The following DIAPH3 variants were observed in gnomAD, a reference collection of about 807,000 sequenced individuals.
DIAPH3 encodes diaphanous related formin 3, also known as protein diaphanous homolog 3.
Under a neutral mutation model 144.3 loss-of-function variants are expected in DIAPH3, and 117 were observed. The ratio of observed to expected loss-of-function variants is 0.81; its 90% CI spans 0.70 to 0.95. The LOEUF (loss-of-function observed/expected upper bound fraction) is 0.95. DIAPH3 is among the 40% of genes least tolerant of loss of function. The pLI is 0.00. For synonymous variants in DIAPH3, 519 were observed against 488.9 expected (o/e 1.06, Z -0.81); for missense variants, 1,421 against 1,412.7 (o/e 1.01, Z -0.09).
At chr13:59,988,337 A>C (rs2051568122) in intron 12 of DIAPH3, among the ~76,000 whole-genome samples, 1 of 152,030 alleles carries the variant, frequency 6.6e-6, no homozygotes, top group South Asian at 2.1e-4. Flanking sequence ...TTACATTTAA[A>C]AATCTAGATG....
intron 27 of DIAPH3, among the ~76,000 whole-genome samples, chr13:59,714,202 T>C (rs1267918403): frequency 1.3e-5 from 2 of 150,918 alleles, no homozygotes; most frequent in East Asian, 3.9e-4. Context: ...CTACTAAAAA[T>C]ACAAAAAATT....
chr13:60,061,488 G>A (rs1305692146), intron 4 of DIAPH3, among the ~76,000 whole-genome samples: 3 of 151,670 alleles, frequency 2.0e-5, no homozygotes, highest in African/African-American at 4.8e-5. Context: ...AAAGAGGCAC[G>A]TTCAGGTGGA....
At chr13:59,815,666 A>G (rs553070814) in intron 24 of DIAPH3, among the ~76,000 whole-genome samples, 22 of 152,008 alleles carry the variant, frequency 1.4e-4, no homozygotes, top group Non-Finnish European at 2.8e-4. Context: ...ATATTGTCTA[A>G]GCTGGTCTTG....
At chr13:60,042,242 G>A (rs2055727324) in intron 5 of DIAPH3, among the ~76,000 whole-genome samples, 1 of 152,010 alleles carries the variant, frequency 6.6e-6, no homozygotes, top group South Asian at 2.1e-4. Context: ...TGGTCATTCT[G>A]TACTTTTATT....
At chr13:60,013,803 T>C (rs1002435799) in intron 7 of DIAPH3, among the ~76,000 whole-genome samples, 1 of 152,066 alleles carries the variant, frequency 6.6e-6, no homozygotes, top group Admixed American at 6.6e-5. Flanking sequence ...CAAATAAAGA[T>C]TAAGACAACC....
chr13:59,790,036 A>G (rs979167665), intron 25 of DIAPH3, among the ~76,000 whole-genome samples: 1 of 152,226 alleles, frequency 6.6e-6, no homozygotes, highest in African/African-American at 2.4e-5. Flanking sequence ...TCTATTGTTT[A>G]ATTCAATTCT....
intron 3 of DIAPH3, among the ~76,000 whole-genome samples, chr13:60,096,887 C>A (rs1034144344): frequency 6.6e-6 from 1 of 152,150 alleles, no homozygotes; most frequent in Non-Finnish European, 1.5e-5. Context: ...AACTGAGCCA[C>A]GCTGCTGACT....
intron 14 of DIAPH3, among the ~76,000 whole-genome samples, chr13:59,976,102 T>A (rs942979317): frequency 6.6e-6 from 1 of 151,946 alleles, no homozygotes; most frequent in African/African-American, 2.4e-5. Flanking sequence ...TATAACCCCT[T>A]ACCATAATCC....
At position 59,872,338 on chromosome 13, in the gene DIAPH3, A is replaced by T. The variant is rs186073659; in HGVS notation, c.2607+6891T>A. Among the ~76,000 whole-genome samples the T allele has an allele frequency of 1.0e-3, 156 of 152,198 alleles. 1 individual carries two copies. Among genetic ancestry groups the T allele is most frequent in the Non-Finnish European group, 1.6e-3 (110 of 68,000 alleles). On this transcript the variant is annotated intron_variant, in intron 21 of 27. Coordinates refer to ENST00000400324, the MANE Select transcript of DIAPH3 (RefSeq NM_001042517.2). The stretch of plus-strand genomic sequence containing the variant: ...TTAAATGAGATGGTTTTGTTTTTTT[A>T]AAAAAATACAGAAACTTCTGAACTT...
chr13:60,012,818 A>C (rs2053366670), intron 7 of DIAPH3: 1 of 177,398 alleles, frequency 5.6e-6, no homozygotes. Flanking sequence ...CTGATTTCAC[A>C]GTTTTAACCA....
intron 2 of DIAPH3, among the ~76,000 whole-genome samples, chr13:60,114,674 A>AC (rs2058658291): frequency 7.3e-5 from 9 of 122,852 alleles, no homozygotes; most frequent in Non-Finnish European, 3.6e-5. Context: ...CACACACACA[A>AC]ACACACACAC....
chr13:59,928,497 T>C (rs2047861942), intron 17 of DIAPH3, among the ~76,000 whole-genome samples: 1 of 152,202 alleles, frequency 6.6e-6, no homozygotes, highest in Non-Finnish European at 1.5e-5. Context: ...GTGCACCTCC[T>C]CTAATAATCA....
chr13:60,106,654 T>C (rs990681009), intron 3 of DIAPH3, among the ~76,000 whole-genome samples: 3 of 152,066 alleles, frequency 2.0e-5, no homozygotes, highest in Admixed American at 6.6e-5. Context: ...TCTGGCTATA[T>C]GGGAAATTCT....
At chr13:60,039,386 CT>C (rs1380550216) in intron 5 of DIAPH3, among the ~76,000 whole-genome samples, 5 of 151,980 alleles carry the variant, frequency 3.3e-5, no homozygotes, top group African/African-American at 9.7e-5. Context: ...TCACTGCAAC[CT>C]CTGCCTCCCA....
At chr13:60,135,885 G>A (rs2059259325) in intron 1 of DIAPH3, among the ~76,000 whole-genome samples, 1 of 152,096 alleles carries the variant, frequency 6.6e-6, no homozygotes, top group African/African-American at 2.4e-5. Flanking sequence ...CTTTAAACGT[G>A]AATTAAAGAA....
chr13:59,745,011 A>T (rs1273434819), intron 27 of DIAPH3, among the ~76,000 whole-genome samples: 1 of 152,154 alleles, frequency 6.6e-6, no homozygotes, highest in Non-Finnish European at 1.5e-5. Flanking sequence ...TTTATGGATA[A>T]CCTTAAGACT....
At position 59,666,359 on chromosome 13, in the gene DIAPH3, A is replaced by C; in HGVS notation, c.*225T>G. On this transcript the variant is annotated 3_prime_UTR_variant, in exon 28 of 28. Transcript: ENST00000400324. ...AAGAACTGAGGAATACCAGGAGACA[A>C]AAAAAAAAAAAAAAGGATTAAAGCC... 2.0e-5 allele frequency: 4 copies of C among 201,468 alleles called. No homozygotes were observed. The South Asian group carries it at 3.8e-4, about 19-fold the overall frequency. 12.5% of individuals were successfully genotyped at this position (201,468 alleles called of 1,614,324 possible). A position where few individuals can be genotyped will look rare whatever the true frequency, so the allele number is the denominator to read the frequency against.
intron 25 of DIAPH3, among the ~76,000 whole-genome samples, chr13:59,790,506 C>T (rs923221663): frequency 2.0e-5 from 3 of 152,168 alleles, no homozygotes; most frequent in African/African-American, 2.4e-5. Context: ...GTATTCATTA[C>T]CTTTGTTTCA....
chr13:60,005,586 T>C (rs2052809226), intron 9 of DIAPH3, among the ~76,000 whole-genome samples: 2 of 152,298 alleles, frequency 1.3e-5, no homozygotes, highest in South Asian at 4.1e-4. Context: ...GTTCACACCA[T>C]TCTCCTGCCT....
Sources: gnomAD v4.1 joint callset for allele counts (sites outside exome capture counted in the v4.1 genomes callset) on GRCh38, gnomAD v4.1.1 for gene constraint, MANE v1.5 for transcripts, NCBI Gene and HGNC (gene_info 2026-07-23, HGNC 2026-07-21) for gene names.